The following FOCAD variants were observed in gnomAD, a reference collection of about 807,000 sequenced individuals.
FOCAD encodes the protein focadhesin.
FOCAD carries 198 observed loss-of-function variants against 225.6 expected under a neutral mutation model. The observed-to-expected ratio is 0.88, with a 90% CI of 0.78 to 0.99. The LOEUF (loss-of-function observed/expected upper bound fraction) is 0.99, where lower values mean the gene tolerates loss of function less well. Ranked by LOEUF, FOCAD falls within the 50% of genes least tolerant of loss-of-function variation. The probability of loss-of-function intolerance (pLI) is 0.00; values close to 1 mark genes in which losing one functional copy is unlikely to be tolerated. For synonymous variants in FOCAD, 897 were observed against 755.0 expected (o/e 1.19, Z -3.08); for missense variants, 2,713 against 2,123.6 (o/e 1.28, Z -5.46).
intron 11 of FOCAD, among the ~76,000 whole-genome samples, chr9:20,797,298 G>A (rs1464182076): frequency 6.6e-6 from 1 of 152,122 alleles, no homozygotes. Flanking sequence ...TTGGCAATGT[G>A]GGCTCCTTTT....
intron 28 of FOCAD, among the ~76,000 whole-genome samples, chr9:20,937,821 A>G (rs1334439225): frequency 2.0e-5 from 3 of 152,214 alleles, no homozygotes; most frequent in Non-Finnish European, 1.5e-5. Context: ...AATTTTTGCA[A>G]TCTACTCATC....
At chr9:20,764,682 G>A in intron 6 of FOCAD, among the ~76,000 whole-genome samples, 187 bp from the exon 7 acceptor site, 1 of 152,188 alleles carries the variant, frequency 6.6e-6, no homozygotes, top group East Asian at 1.9e-4. Context: ...ATTTTCCTCA[G>A]TGTACAAAGA....
At chr9:20,952,283 A>C (rs543671613) in intron 34 of FOCAD, 25 of 152,424 alleles carry the variant, frequency 1.6e-4, no homozygotes, top group African/African-American at 5.8e-4. Context: ...CTTCTGAACA[A>C]AATGATTGTG....
At chr9:20,869,344 A>AT (rs1243008685) in intron 18 of FOCAD, among the ~76,000 whole-genome samples, 3 of 152,056 alleles carry the variant, frequency 2.0e-5, no homozygotes, top group East Asian at 3.9e-4. Context: ...AGAGCTAAAA[A>AT]ATATATATAT....
chr9:20,692,491 T>C (rs1823033433), intron 1 of FOCAD, among the ~76,000 whole-genome samples: 1 of 152,132 alleles, frequency 6.6e-6, no homozygotes, highest in South Asian at 2.1e-4. Flanking sequence ...ACTCCCAACA[T>C]TTTGTGGCTT....
At chr9:20,865,368 A>G (rs1258715714) in intron 16 of FOCAD, among the ~76,000 whole-genome samples, 3 of 152,096 alleles carry the variant, frequency 2.0e-5, no homozygotes, top group Non-Finnish European at 4.4e-5. Flanking sequence ...AAAAAGTTAG[A>G]TGTGGTGGCA....
chr9:20,940,494 A>T (rs1457901067), intron 28 of FOCAD, among the ~76,000 whole-genome samples: 1 of 152,102 alleles, frequency 6.6e-6, no homozygotes, highest in Non-Finnish European at 1.5e-5. Context: ...TGTGTTGCCT[A>T]GGCCGGTGTT....
At chr9:20,826,591 A>G (rs1824915114) in intron 15 of FOCAD, among the ~76,000 whole-genome samples, 1 of 152,160 alleles carries the variant, frequency 6.6e-6, no homozygotes, top group South Asian at 2.1e-4. Flanking sequence ...TTCCCTTCAT[A>G]CATACATCTT....
chr9:20,954,323 A>C (rs772131079), intron 35 of FOCAD, among the ~76,000 whole-genome samples: 7 of 152,204 alleles, frequency 4.6e-5, no homozygotes, highest in Admixed American at 3.9e-4. Context: ...TGAGAATCTA[A>C]AATTTTCATG....
At chr9:20,668,338 C>T (rs1821955888) in intron 2 of FOCAD, among the ~76,000 whole-genome samples, 1 of 152,054 alleles carries the variant, frequency 6.6e-6, no homozygotes, top group African/African-American at 2.4e-5. Context: ...CCTCTTAACC[C>T]ATTCAGATGG....
chr9:20,808,663 G>A (rs182757813), intron 11 of FOCAD, among the ~76,000 whole-genome samples: 8 of 152,192 alleles, frequency 5.3e-5, no homozygotes, highest in South Asian at 4.2e-4. Context: ...TAAGCTGATC[G>A]GGAAGGCAGG....
rs1825696884 is a variant in FOCAD, at chr9:20,720,574, T to C, written c.287+40T>C. ...GTGTTTGGTCAGTTAATGATTTAAG[T>C]TTTTAGGAAAAAAATTCACTAAATC... On this transcript the variant is annotated intron_variant, in intron 4 of 43. Coordinates refer to ENST00000338382, the MANE Select transcript of FOCAD (RefSeq NM_001375567.1). 7.5e-6 allele frequency: 12 copies of C among 1,590,550 alleles called. No individual in the cohort carries two copies. In the Middle Eastern group the frequency reaches 5.1e-4, roughly 67 times the overall value.
At chr9:20,747,329 A>AT (rs542884330) in intron 5 of FOCAD, among the ~76,000 whole-genome samples, 108 of 151,684 alleles carry the variant, frequency 7.1e-4, no homozygotes, top group Middle Eastern at 3.4e-3. Flanking sequence ...TCCAAGTTAA[A>AT]TTTTTTTTTA....
chr9:20,910,295 T>G (rs919569521), intron 22 of FOCAD, among the ~76,000 whole-genome samples: 1 of 147,878 alleles, frequency 6.8e-6, no homozygotes, highest in Admixed American at 6.8e-5. Flanking sequence ...GTCTCCAGCC[T>G]TTTTGAAAAG....
chr9:20,855,094 T>C (rs1828033594), intron 15 of FOCAD, among the ~76,000 whole-genome samples: 1 of 151,788 alleles, frequency 6.6e-6, no homozygotes, highest in South Asian at 2.1e-4. Context: ...CATTAAACCA[T>C]AAAAACTATA....
chr9:20,988,099 A>C (rs963441317), intron 40 of FOCAD, among the ~76,000 whole-genome samples: 2 of 152,238 alleles, frequency 1.3e-5, no homozygotes, highest in Non-Finnish European at 2.9e-5. Flanking sequence ...GGGAGATTTA[A>C]AGAATAAATT....
At chr9:20,713,710 A>G (rs1307551348) in intron 1 of FOCAD, among the ~76,000 whole-genome samples, 3 of 152,220 alleles carry the variant, frequency 2.0e-5, no homozygotes, top group African/African-American at 7.2e-5. Flanking sequence ...TATTTGTTAA[A>G]TGAGTGAATG....
intron 5 of FOCAD, among the ~76,000 whole-genome samples, chr9:20,757,532 T>A (rs946135551): frequency 6.6e-6 from 1 of 152,188 alleles, no homozygotes. Flanking sequence ...CATCTTCAGT[T>A]TGGATAGTTG....
At chr9:20,903,454 A>T (rs1832712444) in intron 21 of FOCAD, among the ~76,000 whole-genome samples, 1 of 151,946 alleles carries the variant, frequency 6.6e-6, no homozygotes, top group Non-Finnish European at 1.5e-5. Context: ...TTGTCAACAG[A>T]GCAGTCAGTA....
Sources: allele counts gnomAD v4.1 joint callset (sites outside exome capture counted in the v4.1 genomes callset), GRCh38; gene constraint gnomAD v4.1.1; transcripts MANE v1.5; gene names NCBI Gene and HGNC (gene_info 2026-07-23, HGNC 2026-07-21).